The following CTNNA3 variants were observed in gnomAD, a reference collection of about 807,000 sequenced individuals.
The protein encoded by CTNNA3 is catenin alpha-3.
A neutral mutation model predicts 95.7 loss-of-function variants in CTNNA3; 76 were observed. The ratio of observed to expected loss-of-function variants is 0.79; its 90% CI spans 0.66 to 0.96. The LOEUF (loss-of-function observed/expected upper bound fraction) is 0.96, where lower values mean the gene tolerates loss of function less well. Ranked by LOEUF, CTNNA3 falls within the 40% of genes least tolerant of loss-of-function variation. CTNNA3 has a pLI of 0.00. For synonymous variants in CTNNA3, 431 were observed against 374.4 expected (o/e 1.15, Z -1.74); for missense variants, 1,191 against 1,089.8 (o/e 1.09, Z -1.31).
chr10:67,191,796 A>G lies in CTNNA3; in HGVS notation c.844-11276T>C, dbSNP rs116964855. Among the ~76,000 whole-genome samples, 50 of 152,070 alleles carry G rather than the reference A, an allele frequency of 3.3e-4. No individual in the cohort carries two copies. The East Asian group carries it at 7.9e-3, about 24-fold the overall frequency. ...CAAAAGACCACAAATAGCCAAAGCA[A>G]TCTTAAGAACAAAACTGGAGGGATC... is the stretch of plus-strand genomic sequence containing the variant. On this transcript the variant is annotated intron_variant, in intron 6 of 17. Coordinates refer to ENST00000433211, the MANE Select transcript of CTNNA3 (RefSeq NM_013266.4).
intron 11 of CTNNA3, among the ~76,000 whole-genome samples, chr10:66,401,615 A>G (rs1404025066): frequency 1.4e-5 from 2 of 147,788 alleles, no homozygotes. Context: ...TTTTGATTTT[A>G]CTTTTGCAAG....
At chr10:66,064,006 A>G (rs1205244883) in intron 15 of CTNNA3, among the ~76,000 whole-genome samples, 1 of 152,096 alleles carries the variant, frequency 6.6e-6, no homozygotes, top group Non-Finnish European at 1.5e-5. Context: ...TTTTCACACT[A>G]CTATAAAGAA....
chr10:66,507,430 A>G (rs768886609), intron 11 of CTNNA3, among the ~76,000 whole-genome samples: 24 of 151,716 alleles, frequency 1.6e-4, no homozygotes, highest in Admixed American at 5.2e-4. Context: ...ACAGTGCCAT[A>G]GAACACTAAA....
At chr10:67,636,997 T>G (rs144179533) in intron 2 of CTNNA3, among the ~76,000 whole-genome samples, 3 of 152,264 alleles carry the variant, frequency 2.0e-5, no homozygotes, top group Admixed American at 2.0e-4. Flanking sequence ...ACTAGCAACG[T>G]AACAAAGCTG....
intron 14 of CTNNA3, among the ~76,000 whole-genome samples, chr10:66,096,178 C>T (rs10996893): frequency 0.17 from 25,736 of 152,096 alleles, 2,558 homozygotes; most frequent in South Asian, 0.36. Context: ...AAATCTTACC[C>T]AGTCTAATTC....
At chr10:65,985,461 T>C (rs1242677197) in intron 16 of CTNNA3, among the ~76,000 whole-genome samples, 1 of 151,162 alleles carries the variant, frequency 6.6e-6, no homozygotes, top group African/African-American at 2.4e-5. Flanking sequence ...GAAATAAACA[T>C]GAGAAATCTA....
chr10:66,899,259 T>G (rs1270970281), intron 7 of CTNNA3, among the ~76,000 whole-genome samples: 2 of 152,156 alleles, frequency 1.3e-5, no homozygotes, highest in Non-Finnish European at 2.9e-5. Flanking sequence ...CCACTGTTAA[T>G]GAGAATGTAA....
At chr10:66,411,822 T>C (rs1036043040) in intron 11 of CTNNA3, among the ~76,000 whole-genome samples, 9 of 152,150 alleles carry the variant, frequency 5.9e-5, no homozygotes, top group Non-Finnish European at 1.0e-4. Context: ...TGAAGAACTA[T>C]ATGCAGAGTT....
At position 67,493,561 on chromosome 10, in the gene CTNNA3, C is replaced by CAAAAAAAAAAA. The variant is rs61570165; in HGVS notation, c.579+28270_579+28280dup. The stretch of plus-strand genomic sequence containing the variant: ...TGGGTGACAGAGCGAGACTCTGTCT[C>CAAAAAAAAAAA]AAAAAAAAAAAAAAAAGTTTGATTT... On this transcript the variant is annotated intron_variant, in intron 5 of 17. Coordinates refer to ENST00000433211, the MANE Select transcript of CTNNA3 (RefSeq NM_013266.4). Among the ~76,000 whole-genome samples, 830 of 93,962 alleles carry CAAAAAAAAAAA rather than the reference C, an allele frequency of 8.8e-3. 22 individuals are homozygous for CAAAAAAAAAAA. The highest frequency in any genetic ancestry group is 0.023 in the African/African-American group (735 of 31,568). 61.6% of individuals were successfully genotyped at this position (93,962 alleles called of 152,430 possible). A position where few individuals can be genotyped will look rare whatever the true frequency, so the allele number is the denominator to read the frequency against.
chr10:66,123,585 C>T (rs1221356774), intron 13 of CTNNA3, among the ~76,000 whole-genome samples: 2 of 152,158 alleles, frequency 1.3e-5, no homozygotes, highest in African/African-American at 2.4e-5. Context: ...GGGGCTCTGA[C>T]CCCACATTTC....
rs900308276 is a variant in CTNNA3 at position 66,930,495 on chromosome 10, A to T, written c.1048-154971T>A. Among the ~76,000 whole-genome samples, 252 of 152,278 alleles carry T rather than the reference A, an allele frequency of 1.7e-3. 2 individuals are homozygous for T. Among genetic ancestry groups the T allele is most frequent in the African/African-American group, 5.5e-3 (230 of 41,564 alleles). On this transcript the variant is annotated intron_variant, in intron 7 of 17. Transcript: ENST00000433211. ...GGCTAGCCTCATTTTTATCTGTACT[A>T]AAGATGTTTGTATTAATGAAATGCA...
Position 66,927,359 on chromosome 10 carries a change from T to C in CTNNA3, c.1048-151835A>G, listed in dbSNP as rs1444805333. 2 of 1,614,216 alleles carry C rather than the reference T, an allele frequency of 1.2e-6. No individual in the cohort carries two copies. Among genetic ancestry groups the C allele is most frequent in the Non-Finnish European group, 8.5e-7 (1 of 1,180,036 alleles). On this transcript the variant is annotated intron_variant, in intron 7 of 17. Coordinates refer to ENST00000433211, the MANE Select transcript of CTNNA3 (RefSeq NM_013266.4). This position sits in a 1 kb window ranked among gnomAD's most constrained non-coding sequence, Gnocchi z 4.7. ...CTGTCCTATAATCAGCTGCATTCTCTGGGATCTGAACAGTTTCGGGGCTTG... is the reference window on the plus strand; with the variant it reads ...CTGTCCTATAATCAGCTGCATTCTCCGGGATCTGAACAGTTTCGGGGCTTG...
intron 7 of CTNNA3, among the ~76,000 whole-genome samples, chr10:66,884,939 TA>T (rs1844988596): frequency 6.6e-6 from 1 of 152,114 alleles, no homozygotes; most frequent in Non-Finnish European, 1.5e-5. Flanking sequence ...TTATTTACAA[TA>T]GCTCTTTTGC....
intron 7 of CTNNA3, among the ~76,000 whole-genome samples, chr10:67,021,257 T>A (rs997703353): frequency 6.6e-5 from 10 of 152,272 alleles, no homozygotes; most frequent in Middle Eastern, 3.4e-3. Context: ...AGCAAAGATA[T>A]ATACAGAATA....
intron 7 of CTNNA3, among the ~76,000 whole-genome samples, chr10:67,071,299 T>C (rs1395441967): frequency 6.7e-6 from 1 of 149,990 alleles, no homozygotes; most frequent in African/African-American, 2.5e-5. Context: ...ACTGATTAAT[T>C]CTCTGTTTTT....
chr10:66,943,255 G>C (rs1416842071), intron 7 of CTNNA3, among the ~76,000 whole-genome samples: 1 of 152,164 alleles, frequency 6.6e-6, no homozygotes, highest in African/African-American at 2.4e-5. Context: ...TAGATATTTA[G>C]CATAAACCTC....
At chr10:67,014,333 G>A (rs1235683246) in intron 7 of CTNNA3, among the ~76,000 whole-genome samples, 2 of 152,016 alleles carry the variant, frequency 1.3e-5, no homozygotes, top group African/African-American at 4.8e-5. Context: ...TTTGTTGAAG[G>A]GAATCTTGGC....
intron 13 of CTNNA3, among the ~76,000 whole-genome samples, chr10:66,133,457 G>A (rs2083213228): frequency 6.6e-6 from 1 of 151,862 alleles, no homozygotes; most frequent in South Asian, 2.1e-4. Context: ...AGGTTGCAGT[G>A]AGCCGAGATC....
At chr10:65,951,487 C>A (rs1326400583) in intron 17 of CTNNA3, among the ~76,000 whole-genome samples, 1 of 152,044 alleles carries the variant, frequency 6.6e-6, no homozygotes. Context: ...TCTTAAGAAT[C>A]CAGAATCATT....
Sources: allele counts gnomAD v4.1 joint callset (sites outside exome capture counted in the v4.1 genomes callset), GRCh38; gene constraint gnomAD v4.1.1; non-coding constraint Gnocchi (gnomAD v3.1); transcripts MANE v1.5; gene names NCBI Gene and HGNC (gene_info 2026-07-23, HGNC 2026-07-21).